Variants in ZMAT4 observed in about 807,000 individuals in gnomAD.
ZMAT4 encodes the protein zinc finger matrin-type protein 4.
A neutral mutation model predicts 28.7 loss-of-function variants in ZMAT4; 17 were observed. The ratio of observed to expected loss-of-function variants is 0.59; its 90% CI spans 0.41 to 0.89. The LOEUF (loss-of-function observed/expected upper bound fraction) is 0.89, where lower values mean the gene tolerates loss of function less well. Among genes scored for constraint, ZMAT4 ranks in the 40% least tolerant of loss-of-function variants. The pLI, the probability that ZMAT4 is intolerant of heterozygous loss-of-function variation, is 0.00. For missense variants in ZMAT4, 240 were observed against 283.8 expected (o/e 0.85, Z 1.11); for synonymous variants, 117 against 109.2 (o/e 1.07, Z -0.44).
At chr8:40,680,080 T>C (rs528574889) in intron 4 of ZMAT4, among the ~76,000 whole-genome samples, 46 of 152,294 alleles carry the variant, frequency 3.0e-4, no homozygotes, top group African/African-American at 1.1e-3. Flanking sequence ...TGTACATACA[T>C]ATCACAGTCT....
intron 5 of ZMAT4, among the ~76,000 whole-genome samples, chr8:40,600,056 T>A (rs184642958): frequency 7.2e-5 from 11 of 152,336 alleles, no homozygotes; most frequent in African/African-American, 2.6e-4. Flanking sequence ...AACAATGTCA[T>A]CTCAAGACAG....
intron 3 of ZMAT4, among the ~76,000 whole-genome samples, chr8:40,739,797 G>A (rs1313289023): frequency 6.6e-6 from 1 of 151,952 alleles, no homozygotes; most frequent in Non-Finnish European, 1.5e-5. Context: ...CCCTCCCTTT[G>A]CCTCCCACCC....
chr8:40,546,288 G>A (rs1214118393), intron 6 of ZMAT4, among the ~76,000 whole-genome samples: 2 of 142,530 alleles, frequency 1.4e-5, no homozygotes, highest in Non-Finnish European at 3.0e-5. Flanking sequence ...ACCACAGGGT[G>A]AATCACTTGA....
At chr8:40,660,726 T>C (rs1242404190) in intron 5 of ZMAT4, among the ~76,000 whole-genome samples, 2 of 152,164 alleles carry the variant, frequency 1.3e-5, no homozygotes, top group African/African-American at 4.8e-5. Flanking sequence ...AAAATCCCCA[T>C]TTTCTTGGGG....
At chr8:40,683,160 T>G (rs1585872373) in intron 4 of ZMAT4, among the ~76,000 whole-genome samples, 1 of 152,196 alleles carries the variant, frequency 6.6e-6, no homozygotes, top group East Asian at 1.9e-4. Context: ...CTCCATAGTG[T>G]AACTTACATA....
At chr8:40,551,398 C>G (rs1038491187) in intron 6 of ZMAT4, among the ~76,000 whole-genome samples, 14 of 152,072 alleles carry the variant, frequency 9.2e-5, no homozygotes, top group African/African-American at 3.4e-4. Context: ...TCACGTTGTT[C>G]TATTAAACTT....
chr8:40,561,122 A>T (rs1406399309), intron 6 of ZMAT4, among the ~76,000 whole-genome samples: 4 of 152,198 alleles, frequency 2.6e-5, no homozygotes, highest in African/African-American at 7.2e-5. Flanking sequence ...TGTACTGTGC[A>T]AAGAGACTTC....
chr8:40,687,306 C>T (rs1279723894), intron 4 of ZMAT4, among the ~76,000 whole-genome samples: 1 of 152,050 alleles, frequency 6.6e-6, no homozygotes, highest in African/African-American at 2.4e-5. Context: ...AGCTTTGAAA[C>T]ACAGAAGAGA....
At chr8:40,693,541 A>G (rs1809746863) in intron 4 of ZMAT4, among the ~76,000 whole-genome samples, 1 of 152,188 alleles carries the variant, frequency 6.6e-6, no homozygotes, top group South Asian at 2.1e-4. Flanking sequence ...TGTATAAAAA[A>G]CCCTTTGCCT....
chr8:40,556,680 C>T (rs192253157), intron 6 of ZMAT4, among the ~76,000 whole-genome samples: 2 of 152,272 alleles, frequency 1.3e-5, no homozygotes, highest in Admixed American at 1.3e-4. Context: ...CATGTGACTG[C>T]ACCACATGTA....
chr8:40,545,824 G>A (rs1282782120), intron 6 of ZMAT4, among the ~76,000 whole-genome samples: 1 of 151,840 alleles, frequency 6.6e-6, no homozygotes, highest in East Asian at 1.9e-4. Context: ...GGCAGCCCTA[G>A]GAATTGAGAC....
At chr8:40,774,571 G>A (rs1813510303) in intron 2 of ZMAT4, among the ~76,000 whole-genome samples, 1 of 151,672 alleles carries the variant, frequency 6.6e-6, no homozygotes. Context: ...TAGTAAACAT[G>A]GGAAAATAAG....
intron 5 of ZMAT4, among the ~76,000 whole-genome samples, chr8:40,609,841 A>G (rs1246439610): frequency 6.6e-6 from 1 of 152,016 alleles, no homozygotes; most frequent in African/African-American, 2.4e-5. Flanking sequence ...TTTTGAGGAG[A>G]TACTCTGTGT....
intron 5 of ZMAT4, among the ~76,000 whole-genome samples, chr8:40,645,714 G>A (rs943789936): frequency 1.3e-5 from 2 of 152,038 alleles, no homozygotes; most frequent in Admixed American, 1.3e-4. Flanking sequence ...CATACAGAGA[G>A]GTGAGCTAAA....
intron 2 of ZMAT4, among the ~76,000 whole-genome samples, chr8:40,774,732 A>C (rs944924337): frequency 6.6e-6 from 1 of 151,454 alleles, no homozygotes; most frequent in African/African-American, 2.4e-5. Context: ...TCAGAATATA[A>C]ATTTTTAAAC....
chr8:40,825,596 C>A lies in ZMAT4; in HGVS notation c.81G>T (p.Ser27=), dbSNP rs186839983. The change falls in exon 2 of 7, where the codon TCG becomes TCT. Residue 27 remains serine, a synonymous_variant. Coordinates refer to ENST00000297737, the MANE Select transcript of ZMAT4 (RefSeq NM_024645.3). ...TTACCTCGTAGTGGGCCACACGCTG[C>A]GATTCGGAGATCAGCTGTGCACTGC... ...KVCSAQLISE[S]QRVAHYESRK... The A allele has an allele frequency of 1.3e-6, 2 of 1,553,096 alleles. No homozygotes were observed. The highest frequency in any genetic ancestry group is 1.7e-6 in the Non-Finnish European group (2 of 1,147,554).
chr8:40,738,010 A>C (rs1367382161), intron 3 of ZMAT4, among the ~76,000 whole-genome samples: 2 of 152,118 alleles, frequency 1.3e-5, no homozygotes, highest in Non-Finnish European at 2.9e-5. Flanking sequence ...GAGAGCTGCG[A>C]AAAGAGAAGC....
chr8:40,559,368 T>C (rs1015793791), intron 6 of ZMAT4, among the ~76,000 whole-genome samples: 2 of 152,186 alleles, frequency 1.3e-5, no homozygotes, highest in Admixed American at 1.3e-4. Flanking sequence ...ACATGTAACA[T>C]GCATGTTTGT....
intron 3 of ZMAT4, among the ~76,000 whole-genome samples, chr8:40,709,220 G>T (rs1810497751): frequency 6.6e-6 from 1 of 151,740 alleles, no homozygotes; most frequent in African/African-American, 2.4e-5. Context: ...TCTTTTATTT[G>T]TATTATTTTT....
Sources: allele counts gnomAD v4.1 joint callset (sites outside exome capture counted in the v4.1 genomes callset), GRCh38; gene constraint gnomAD v4.1.1; transcripts MANE v1.5; gene names NCBI Gene and HGNC (gene_info 2026-07-23, HGNC 2026-07-21).